The following CHCHD3 variants were observed in gnomAD, a reference collection of about 807,000 sequenced individuals.
The protein encoded by CHCHD3 is coiled-coil-helix-coiled-coil-helix domain containing 3.
Under a neutral mutation model 38.2 loss-of-function variants are expected in CHCHD3, and 20 were observed. The ratio of observed to expected loss-of-function variants is 0.52; its 90% CI spans 0.37 to 0.76. The LOEUF (loss-of-function observed/expected upper bound fraction) is 0.76. Among genes scored for constraint, CHCHD3 ranks in the 30% least tolerant of loss-of-function variants. The pLI, the probability that CHCHD3 is intolerant of heterozygous loss-of-function variation, is 0.00. For missense variants in CHCHD3, 245 were observed against 279.2 expected (o/e 0.88, Z 0.87); for synonymous variants, 82 against 100.0 (o/e 0.82, Z 1.07).
intron 1 of CHCHD3, among the ~76,000 whole-genome samples, chr7:133,078,718 T>C (rs933288880): frequency 6.6e-6 from 1 of 152,246 alleles, no homozygotes; most frequent in Non-Finnish European, 1.5e-5. Context: ...GGAGACCGTC[T>C]GTACTATCTT....
intron 4 of CHCHD3, among the ~76,000 whole-genome samples, chr7:132,942,507 T>C (rs1480954934): frequency 6.6e-6 from 1 of 152,216 alleles, no homozygotes; most frequent in East Asian, 1.9e-4. Flanking sequence ...TCAGTGTTAA[T>C]AATTGCAATT....
chr7:132,787,734 A>C (rs1168825801), intron 7 of CHCHD3, among the ~76,000 whole-genome samples: 3 of 152,192 alleles, frequency 2.0e-5, no homozygotes, highest in African/African-American at 4.8e-5. Context: ...CAAAGGGTGG[A>C]TAGATTATCC....
At chr7:132,834,357 T>C (rs1222587478) in intron 6 of CHCHD3, among the ~76,000 whole-genome samples, 1 of 152,080 alleles carries the variant, frequency 6.6e-6, no homozygotes, top group African/African-American at 2.4e-5. Context: ...TAGCAGGAAG[T>C]AGCTGGGAGA....
chr7:132,949,876 T>C (rs1486774048), intron 4 of CHCHD3, among the ~76,000 whole-genome samples: 1 of 152,118 alleles, frequency 6.6e-6, no homozygotes, highest in Non-Finnish European at 1.5e-5. Context: ...ACAGAATGGC[T>C]AGTCTAGACA....
chr7:133,019,131 C>A (rs561006550), intron 3 of CHCHD3, among the ~76,000 whole-genome samples: 226 of 152,144 alleles, frequency 1.5e-3, no homozygotes, highest in Admixed American at 2.9e-3. Context: ...GATCTGCCCA[C>A]CTCAGCCTCC....
At chr7:132,881,178 T>G (rs1033933177) in intron 5 of CHCHD3, among the ~76,000 whole-genome samples, 1 of 152,162 alleles carries the variant, frequency 6.6e-6, no homozygotes, top group Non-Finnish European at 1.5e-5. Context: ...AGTGTCCAGT[T>G]AAATTACACT....
chr7:133,046,059 G>A (rs1430925256), intron 2 of CHCHD3, among the ~76,000 whole-genome samples: 1 of 152,124 alleles, frequency 6.6e-6, no homozygotes, highest in African/African-American at 2.4e-5. Context: ...TAATACTTAA[G>A]CCTGAATCTT....
At chr7:133,037,822 A>C (rs1340395705) in intron 2 of CHCHD3, among the ~76,000 whole-genome samples, 2 of 152,172 alleles carry the variant, frequency 1.3e-5, no homozygotes, top group African/African-American at 2.4e-5. Context: ...AGAAAAAATA[A>C]ATACATACAT....
At chr7:132,871,343 C>T (rs1459403086) in intron 5 of CHCHD3, among the ~76,000 whole-genome samples, 1 of 152,164 alleles carries the variant, frequency 6.6e-6, no homozygotes, top group Non-Finnish European at 1.5e-5. Context: ...TCTTTAATTA[C>T]ATACTATTGA....
intron 4 of CHCHD3, among the ~76,000 whole-genome samples, chr7:132,924,148 A>T (rs1271072662): frequency 6.6e-6 from 1 of 152,214 alleles, no homozygotes; most frequent in Non-Finnish European, 1.5e-5. Context: ...TTTCCATGAG[A>T]GTAAGATCAG....
chr7:132,884,078 G>A (rs776220512), intron 5 of CHCHD3, among the ~76,000 whole-genome samples: 32 of 152,036 alleles, frequency 2.1e-4, no homozygotes, highest in Non-Finnish European at 4.4e-4. Context: ...TCCCTTTTCC[G>A]AATTACTGCC....
chr7:133,044,502 A>G (rs1440808345), intron 2 of CHCHD3, among the ~76,000 whole-genome samples: 2 of 152,334 alleles, frequency 1.3e-5, no homozygotes, highest in East Asian at 3.9e-4. Context: ...CCAAAATAAT[A>G]ACAATAATAA....
intron 2 of CHCHD3, among the ~76,000 whole-genome samples, chr7:133,057,444 C>G (rs1240952106): frequency 6.6e-6 from 1 of 151,946 alleles, no homozygotes; most frequent in Non-Finnish European, 1.5e-5. Flanking sequence ...GCCTGTAGTC[C>G]CAGCTACTCA....
At chr7:133,003,044 G>A (rs1451412340) in intron 3 of CHCHD3, among the ~76,000 whole-genome samples, 2 of 152,122 alleles carry the variant, frequency 1.3e-5, no homozygotes, top group Non-Finnish European at 2.9e-5. Flanking sequence ...GAAATGGGGT[G>A]GAAAACAATG....
chr7:132,862,056 A>G (rs550649413), intron 5 of CHCHD3, among the ~76,000 whole-genome samples: 71 of 145,892 alleles, frequency 4.9e-4, no homozygotes, highest in African/African-American at 1.8e-3. Context: ...CCAGCACTTA[A>G]TGTTTGCTGA....
chr7:133,076,927 C>G (rs1432392282), intron 1 of CHCHD3, among the ~76,000 whole-genome samples: 1 of 152,154 alleles, frequency 6.6e-6, no homozygotes, highest in Non-Finnish European at 1.5e-5. Flanking sequence ...CCCATTTTTT[C>G]TCTCTTGATC....
intron 5 of CHCHD3, among the ~76,000 whole-genome samples, chr7:132,858,175 G>T (rs1808391595): frequency 6.6e-6 from 1 of 152,100 alleles, no homozygotes; most frequent in Non-Finnish European, 1.5e-5. Flanking sequence ...CAATTCGCCT[G>T]CCTCAGCCTC....
chr7:132,926,630 G>T (rs568441852), intron 4 of CHCHD3, among the ~76,000 whole-genome samples: 33 of 152,196 alleles, frequency 2.2e-4, no homozygotes, highest in African/African-American at 7.7e-4. Flanking sequence ...ATCTGCAGAG[G>T]ATTGGTTCCA....
At chr7:132,838,893 A>G (rs1299507447) in intron 5 of CHCHD3, among the ~76,000 whole-genome samples, 1 of 152,168 alleles carries the variant, frequency 6.6e-6, no homozygotes, top group Non-Finnish European at 1.5e-5. Flanking sequence ...ATTTCTTTCT[A>G]CACAATATTT....
Sources: allele counts gnomAD v4.1 joint callset (sites outside exome capture counted in the v4.1 genomes callset), GRCh38; gene constraint gnomAD v4.1.1; transcripts MANE v1.5; gene names NCBI Gene and HGNC (gene_info 2026-07-23, HGNC 2026-07-21).